Variants in MED27 observed in about 807,000 individuals in gnomAD.
MED27 encodes the protein mediator complex subunit 27.
In MED27, 30 loss-of-function variants were observed where a neutral mutation model predicts 38.2. The observed-to-expected ratio is 0.79, with a 90% confidence interval of 0.59 to 1.07. The LOEUF (loss-of-function observed/expected upper bound fraction) is 1.07. Among genes scored for constraint, MED27 ranks in the 50% least tolerant of loss-of-function variants. The pLI is 0.00. For missense variants in MED27, 289 were observed against 397.5 expected (o/e 0.73, Z 2.32); for synonymous variants, 122 against 153.5 (o/e 0.79, Z 1.52).
intron 3 of MED27, among the ~76,000 whole-genome samples, chr9:131,972,811 G>A (rs962191811): frequency 2.0e-5 from 3 of 152,162 alleles, no homozygotes; most frequent in Admixed American, 1.3e-4. Context: ...CAACAGGGAG[G>A]CTGACACGGG....
chr9:131,999,962 A>C (rs544170771), intron 3 of MED27, among the ~76,000 whole-genome samples: 1 of 152,260 alleles, frequency 6.6e-6, no homozygotes, highest in South Asian at 2.1e-4. Context: ...GTGGGTGTCC[A>C]AAGGACGCTC....
chr9:131,903,437 C>A (rs1363150499), intron 4 of MED27, among the ~76,000 whole-genome samples: 2 of 152,180 alleles, frequency 1.3e-5, no homozygotes, highest in African/African-American at 4.8e-5. Context: ...GGACACAGAG[C>A]CAAACCATAT....
At chr9:131,944,202 A>G (rs1830839185) in intron 3 of MED27, among the ~76,000 whole-genome samples, 1 of 152,116 alleles carries the variant, frequency 6.6e-6, no homozygotes, top group South Asian at 2.1e-4. Context: ...TGCTCCTTTC[A>G]ATGGCCTTAG....
intron 4 of MED27, among the ~76,000 whole-genome samples, chr9:131,939,003 G>A (rs1048825399): frequency 2.0e-5 from 3 of 152,196 alleles, no homozygotes; most frequent in African/African-American, 4.8e-5. Context: ...GTGAGTCACC[G>A]CGCCTGGCGA....
At chr9:131,953,783 T>C (rs1257646572) in intron 3 of MED27, among the ~76,000 whole-genome samples, 1 of 151,938 alleles carries the variant, frequency 6.6e-6, no homozygotes, top group Non-Finnish European at 1.5e-5. Context: ...TGGGGTTTTT[T>C]TTCCCCCACT....
At chr9:131,949,828 A>G (rs1384015079) in intron 3 of MED27, among the ~76,000 whole-genome samples, 1 of 152,202 alleles carries the variant, frequency 6.6e-6, no homozygotes, top group Non-Finnish European at 1.5e-5. Flanking sequence ...GAAACAGGAC[A>G]ACCAGGTTAA....
intron 2 of MED27, among the ~76,000 whole-genome samples, chr9:132,038,850 T>C (rs1477355494): frequency 6.6e-6 from 1 of 152,118 alleles, no homozygotes; most frequent in African/African-American, 2.4e-5. Flanking sequence ...ATTGTAAGCT[T>C]TCCTCTGGAT....
chr9:132,073,632 A>C, intron 2 of MED27: 2 of 1,455,164 alleles, frequency 1.4e-6, no homozygotes, highest in African/African-American at 1.4e-5. Context: ...CTTTGCAGTA[A>C]CTTAGTCATT....
intron 2 of MED27, among the ~76,000 whole-genome samples, chr9:132,027,593 G>A (rs183275622): frequency 2.0e-5 from 3 of 152,338 alleles, no homozygotes; most frequent in Admixed American, 6.5e-5. Context: ...CCCTAGCACA[G>A]TATAAAATGT....
At chr9:131,877,792 G>A (rs1479253386) in intron 6 of MED27, among the ~76,000 whole-genome samples, 1 of 152,060 alleles carries the variant, frequency 6.6e-6, no homozygotes, top group African/African-American at 2.4e-5. Flanking sequence ...ATACTATTGG[G>A]GTTGGTAGTC....
chr9:131,891,932 C>T (rs531482767), intron 5 of MED27, among the ~76,000 whole-genome samples: 45 of 152,044 alleles, frequency 3.0e-4, no homozygotes, highest in African/African-American at 1.0e-3. Context: ...CCTAGACCGG[C>T]GGGATGAAGG....
At chr9:131,942,652 C>G (rs1356764676) in intron 3 of MED27, among the ~76,000 whole-genome samples, 1 of 152,206 alleles carries the variant, frequency 6.6e-6, no homozygotes, top group African/African-American at 2.4e-5. Context: ...AATTTGCTTT[C>G]CATTGTACCT....
At chr9:131,953,417 A>C (rs1224972331) in intron 3 of MED27, among the ~76,000 whole-genome samples, 2 of 152,244 alleles carry the variant, frequency 1.3e-5, no homozygotes, top group Non-Finnish European at 2.9e-5. Flanking sequence ...TGTCATACAC[A>C]TAAAAGTGGT....
rs971145720 is a variant in MED27 at position 131,913,307 on chromosome 9, T to C, written c.574-19315A>G. 6.6e-6 allele frequency among the ~76,000 whole-genome samples: 1 copy of C among 152,168 alleles called. No individual in the cohort carries two copies. The highest frequency in any genetic ancestry group is 2.4e-5 in the African/African-American group (1 of 41,430). ...GACCAGGACTTGGGCATTTCATGGA[T>C]CTCACTTCAAATCCCAGCTGTACCA... On this transcript the variant is annotated intron_variant, in intron 4 of 7. Transcript: ENST00000292035. This position sits in a 1 kb window ranked among gnomAD's most constrained non-coding sequence, Gnocchi z 4.5.
intron 6 of MED27, among the ~76,000 whole-genome samples, chr9:131,880,906 AT>A (rs1357650068): frequency 1.3e-5 from 2 of 151,456 alleles, no homozygotes; most frequent in Middle Eastern, 3.2e-3. Flanking sequence ...CTACAAGAAC[AT>A]TAAAAAAAAA....
chr9:131,983,003 C>A (rs1441917139), intron 3 of MED27, among the ~76,000 whole-genome samples: 1 of 152,184 alleles, frequency 6.6e-6, no homozygotes, highest in East Asian at 1.9e-4. Context: ...GGATCTGTGA[C>A]TGAGTTTCAG....
intron 6 of MED27, among the ~76,000 whole-genome samples, chr9:131,877,109 C>A (rs1230451821): frequency 6.6e-6 from 1 of 152,176 alleles, no homozygotes; most frequent in African/African-American, 2.4e-5. Flanking sequence ...GTGGGGGTCT[C>A]ACCTGTGCAG....
At chr9:132,037,418 T>C (rs576533081) in intron 2 of MED27, among the ~76,000 whole-genome samples, 3 of 152,272 alleles carry the variant, frequency 2.0e-5, no homozygotes, top group African/African-American at 4.8e-5. Flanking sequence ...TACTAGTTCA[T>C]TCAGCCACAG....
At chr9:131,967,818 A>ATTT (rs144420414) in intron 3 of MED27, among the ~76,000 whole-genome samples, 3 of 112,918 alleles carry the variant, frequency 2.7e-5, no homozygotes, top group South Asian at 2.9e-4. Flanking sequence ...GCCTCTCATG[A>ATTT]TTTTTTTTTT....
Sources: gnomAD v4.1 joint callset for allele counts (sites outside exome capture counted in the v4.1 genomes callset) on GRCh38, gnomAD v4.1.1 for gene constraint, Gnocchi (gnomAD v3.1) non-coding constraint, MANE v1.5 for transcripts, NCBI Gene and HGNC (gene_info 2026-07-23, HGNC 2026-07-21) for gene names.